NCOR2: variants seen among roughly 807,000 people sequenced by gnomAD.
NCOR2 encodes the protein CTG repeat protein 26.
A neutral mutation model predicts 262.9 loss-of-function variants in NCOR2; 81 were observed. The ratio of observed to expected loss-of-function variants is 0.31; its 90% CI spans 0.26 to 0.37. NCOR2 has a LOEUF of 0.37. Among genes scored for constraint, NCOR2 ranks in the 10% least tolerant of loss-of-function variants. The pLI, the probability that NCOR2 is intolerant of heterozygous loss-of-function variation, is 1.00. For synonymous variants in NCOR2, 1,659 were observed against 1,559.3 expected, an observed-to-expected ratio of 1.06 and a Z score of -1.51; for missense variants, 3,385 against 3,621.4, an observed-to-expected ratio of 0.93 and a Z score of 1.68.
chr12:124,355,273 G>GA, intron 24 of NCOR2, 159 bp downstream of exon 26: 4 of 836,872 alleles, frequency 4.8e-6, no homozygotes, highest in Non-Finnish European at 7.3e-6. Flanking sequence ...GGCCCTGAGT[G>GA]CCTGGGGCAG....
chr12:124,362,000 C>T (rs954509907), intron 22 of NCOR2, 126 bp downstream of exon 24: 29 of 873,812 alleles, frequency 3.3e-5, no homozygotes, highest in African/African-American at 7.0e-5. Context: ...CTGTTCCATT[C>T]GTTTACTTTG....
At chr12:124,447,766 G>A (rs1056585498) in intron 7 of NCOR2, among the ~76,000 whole-genome samples, 5 of 151,314 alleles carry the variant, frequency 3.3e-5, no homozygotes, top group Admixed American at 3.3e-4. Context: ...GTGCAATCAC[G>A]GCTCACTGCA....
At chr12:124,385,435 T>G (rs1165422765) in intron 17 of NCOR2, among the ~76,000 whole-genome samples, 1 of 152,064 alleles carries the variant, frequency 6.6e-6, no homozygotes, top group Non-Finnish European at 1.5e-5. Context: ...CCGCGCTCCT[T>G]CCCCCACACC....
At chr12:124,362,188 T>G (rs765481521) in exon 22 of NCOR2, 1 of 1,311,912 alleles carries the variant, frequency 7.6e-7, no homozygotes, top group Non-Finnish European at 9.7e-7. Context: ...GCCAGGCTGC[T>G]GAGGGGCGTC....
chr12:124,350,938 T>C (rs1201588047), intron 27 of NCOR2, among the ~76,000 whole-genome samples: 2 of 152,256 alleles, frequency 1.3e-5, no homozygotes, highest in East Asian at 1.9e-4. Flanking sequence ...CCTTGTCAAG[T>C]GCTTCCCATG....
chr12:124,429,149 G>A (rs1430009388), intron 10 of NCOR2, among the ~76,000 whole-genome samples: 2 of 152,256 alleles, frequency 1.3e-5, no homozygotes, highest in Non-Finnish European at 2.9e-5. Context: ...GACAGCTGGC[G>A]TGCTGGGAAC....
intron 1 of NCOR2, among the ~76,000 whole-genome samples, chr12:124,529,179 C>CAAAAA (rs148397454): frequency 5.4e-4 from 28 of 52,142 alleles, no homozygotes; most frequent in East Asian, 1.1e-3. Context: ...AACTCCGACT[C>CAAAAA]AAAAAAAAAA....
intron 13 of NCOR2, among the ~76,000 whole-genome samples, chr12:124,418,248 C>G (rs1186750685): frequency 6.6e-6 from 1 of 152,180 alleles, no homozygotes; most frequent in African/African-American, 2.4e-5. Context: ...CTTCCACGAT[C>G]CCTGCGGATA....
chr12:124,327,011 G>A (rs1421609079), intron 45 of NCOR2, among the ~76,000 whole-genome samples: 3 of 152,216 alleles, frequency 2.0e-5, no homozygotes, highest in African/African-American at 7.2e-5. Flanking sequence ...GCTGAGCACA[G>A]GCCTGGCTGC....
upstream of NCOR2, among the ~76,000 whole-genome samples, chr12:124,540,503 T>TG (rs1233011100): frequency 3.1e-3 from 1 of 324 alleles, no homozygotes; most frequent in Non-Finnish European, 6.3e-3. Flanking sequence ...TGGAGGGGGA[T>TG]GGGAGTGGAG....
chr12:124,325,338 C>T, exon 47 of NCOR2: 2 of 1,094,012 alleles, frequency 1.8e-6, no homozygotes, highest in Non-Finnish European at 2.4e-6. Context: ...CGCCCTGCTC[C>T]TGCAGGGCCG....
At chr12:124,341,143 G>A (rs1418997656) in intron 34 of NCOR2, among the ~76,000 whole-genome samples, 5 of 152,200 alleles carry the variant, frequency 3.3e-5, no homozygotes, top group Non-Finnish European at 7.3e-5. Context: ...GGTTATTCCA[G>A]AAGCATTTCT....
intron 13 of NCOR2, among the ~76,000 whole-genome samples, chr12:124,402,971 A>G (rs2042063221): frequency 6.6e-6 from 1 of 152,036 alleles, no homozygotes; most frequent in Non-Finnish European, 1.5e-5. Flanking sequence ...AAATGAGAGA[A>G]TCCTCACCAT....
chr12:124,393,004 G>A (rs990946968), intron 16 of NCOR2, among the ~76,000 whole-genome samples: 12 of 152,240 alleles, frequency 7.9e-5, no homozygotes, highest in Admixed American at 4.6e-4. Flanking sequence ...GCCCGGAGGC[G>A]GGCCAGAGCC....
intron 20 of NCOR2, among the ~76,000 whole-genome samples, chr12:124,366,857 A>G (rs530004592): frequency 6.6e-6 from 1 of 152,236 alleles, no homozygotes; most frequent in Non-Finnish European, 1.5e-5. Context: ...ATGGTATATG[A>G]ATGATATCTT....
At chr12:124,487,873 TAAAAAAAAAA>T (rs3040836) in intron 1 of NCOR2, among the ~76,000 whole-genome samples, 1 of 137,666 alleles carries the variant, frequency 7.3e-6, no homozygotes, top group South Asian at 2.3e-4. Context: ...AAACTGTGTT[TAAAAAAAAAA>T]AAAAAAAAAA....
intron 1 of NCOR2, among the ~76,000 whole-genome samples, chr12:124,529,189 A>AAG (rs1555238598): frequency 6.8e-6 from 1 of 148,126 alleles, no homozygotes; most frequent in African/African-American, 2.5e-5. Flanking sequence ...CAAAAAAAAA[A>AAG]AAAAAAAAAA....
chr12:124,387,447 G>A (rs1013163519), intron 16 of NCOR2, among the ~76,000 whole-genome samples: 8 of 152,214 alleles, frequency 5.3e-5, no homozygotes, highest in Non-Finnish European at 7.3e-5. Flanking sequence ...GGGAAATCTC[G>A]GTTCAGAGGG....
intron 1 of NCOR2, among the ~76,000 whole-genome samples, chr12:124,526,279 G>A (rs141530997): frequency 1.2e-3 from 182 of 152,252 alleles, no homozygotes; most frequent in Middle Eastern, 0.01. Flanking sequence ...CCCAAACCCC[G>A]CAAGCCTGAA....
Sources: allele counts gnomAD v4.1 joint callset (sites outside exome capture counted in the v4.1 genomes callset), GRCh38; gene constraint gnomAD v4.1.1; transcripts MANE v1.5; gene names NCBI Gene and HGNC (gene_info 2026-07-23, HGNC 2026-07-21).